Variants in ABCB7 observed in about 807,000 individuals in gnomAD.
ABCB7 encodes ATP binding cassette subfamily B member 7, also known as iron-sulfur clusters transporter ABCB7, mitochondrial.
ABCB7 carries 7 observed loss-of-function variants against 54.4 expected under a neutral mutation model. The observed-to-expected ratio is 0.13, with a 90% CI of 0.07 to 0.24. ABCB7 has a LOEUF of 0.24. ABCB7 is among the 10% of genes least tolerant of loss of function. The probability of loss-of-function intolerance (pLI) is 1.00; values close to 1 mark genes in which losing one functional copy is unlikely to be tolerated. For synonymous variants in ABCB7, 218 were observed against 207.1 expected, an observed-to-expected ratio of 1.05 and a Z score of -0.45; for missense variants, 356 against 570.4, an observed-to-expected ratio of 0.62 and a Z score of 3.83.
chrX:75,107,592 C>T (rs561034367), intron 3 of ABCB7, among the ~76,000 whole-genome samples: 59 of 111,895 alleles, frequency 5.3e-4, no homozygotes, highest in African/African-American at 1.8e-3. Context: ...TTTCCAGACA[C>T]GCCCTAGGCC....
rs773606603 is a variant in ABCB7 at position 75,055,503 on chromosome X, T to TTGAG, written c.2044-1922_2044-1919dup. Among the ~76,000 whole-genome samples, 112 of 98,167 alleles carry TTGAG rather than the reference T, an allele frequency of 1.1e-3. 1 individual carries two copies. Among genetic ancestry groups the TTGAG allele is most frequent in the Middle Eastern group, 5.3e-3 (1 of 190 alleles). The allele number at this position is 98,167 out of a possible 115,157, so 85.2% of individuals were successfully genotyped here. ...GAGAGGATTGCTTGAGCCCAGGAGT[T>TTGAG]TGAGACTAGCCTGGGCAACATGATG... On this transcript the variant is annotated intron_variant, in intron 15 of 15. Coordinates refer to ENST00000373394, the MANE Select transcript of ABCB7 (RefSeq NM_001271696.3).
Position 75,052,133 on chromosome X carries a change from GGTTT to G in ABCB7, c.*1233_*1236del, listed in dbSNP as rs966361992. 9.3e-6 allele frequency: 1 copy of G among 106,963 alleles called. No individual in the cohort carries two copies. The highest frequency in any genetic ancestry group is 3.8e-5 in the African/African-American group (1 of 26,114). 8.8% of individuals were successfully genotyped at this position (106,963 alleles called of 1,213,427 possible). ...TTCTACATAGCGACATGAGAATGAA[GGTTT>G]TTTTCCTTCAAAAAGTACATAGTTG... On this transcript the variant is annotated 3_prime_UTR_variant, in exon 16 of 16. Coordinates refer to ENST00000373394, the MANE Select transcript of ABCB7 (RefSeq NM_001271696.3).
At chrX:75,141,567 T>G (rs2082054122) in intron 1 of ABCB7, among the ~76,000 whole-genome samples, 1 of 111,686 alleles carries the variant, frequency 9.0e-6, no homozygotes, top group African/African-American at 3.3e-5. Flanking sequence ...CATAATTTAT[T>G]TAACCAATCC....
chrX:75,099,870 C>T (rs1480234157), intron 3 of ABCB7, among the ~76,000 whole-genome samples: 1 of 104,443 alleles, frequency 9.6e-6, no homozygotes, highest in African/African-American at 3.5e-5. Flanking sequence ...AAGAATAAAA[C>T]ATACCCAAAA....
At chrX:75,118,617 T>C (rs1405107564) in intron 1 of ABCB7, among the ~76,000 whole-genome samples, 1 of 111,678 alleles carries the variant, frequency 9.0e-6, no homozygotes, top group Admixed American at 9.5e-5. Context: ...TTCCATTATC[T>C]GATATTTTTT....
chrX:75,093,893 A>C (rs1368279393), intron 4 of ABCB7, among the ~76,000 whole-genome samples: 1 of 107,739 alleles, frequency 9.3e-6, no homozygotes, highest in Non-Finnish European at 1.9e-5. Flanking sequence ...AATGTTTTAA[A>C]GTTACAAATG....
At chrX:75,071,486 T>C in intron 9 of ABCB7, 23 bp downstream of exon 9, 1 of 1,207,743 alleles carries the variant, frequency 8.3e-7, no homozygotes. Context: ...AGCCTGTAAA[T>C]GTGATAGCCA....
At chrX:75,139,353 C>T (rs2082038272) in intron 1 of ABCB7, among the ~76,000 whole-genome samples, 1 of 112,072 alleles carries the variant, frequency 8.9e-6, no homozygotes, top group South Asian at 3.7e-4. Context: ...TTCAAACACA[C>T]TTTGCACATT....
At chrX:75,066,874 T>A (rs1024910820) in intron 12 of ABCB7, among the ~76,000 whole-genome samples, 1 of 111,485 alleles carries the variant, frequency 9.0e-6, no homozygotes, top group African/African-American at 3.3e-5. Flanking sequence ...AAAAACACAA[T>A]ATTTATGAAT....
At chrX:75,133,469 T>C in intron 1 of ABCB7, among the ~76,000 whole-genome samples, 1 of 111,810 alleles carries the variant, frequency 8.9e-6, no homozygotes. Flanking sequence ...CAGGAAATTC[T>C]GCGAGAATTC....
chrX:75,153,140 C>T (rs1401444157), intron 1 of ABCB7, among the ~76,000 whole-genome samples: 4 of 110,492 alleles, frequency 3.6e-5, no homozygotes, highest in African/African-American at 6.6e-5. Context: ...TGCACTGGCG[C>T]GATCTTAGCT....
chrX:75,125,981 A>T (rs1395229341), intron 1 of ABCB7, among the ~76,000 whole-genome samples: 1 of 111,280 alleles, frequency 9.0e-6, no homozygotes. Flanking sequence ...AACTACACTT[A>T]AAAAATTCCA....
chrX:75,102,821 T>C (rs2081651268), intron 3 of ABCB7, among the ~76,000 whole-genome samples: 1 of 111,690 alleles, frequency 9.0e-6, no homozygotes, highest in Non-Finnish European at 1.9e-5. Context: ...ATATCTGTTA[T>C]TTTTTGTCTT....
chrX:75,053,188 A>G lies in ABCB7; in HGVS notation c.*182T>C. On this transcript the variant is annotated 3_prime_UTR_variant, in exon 16 of 16. Transcript: ENST00000373394. ...AGTGACAAGAAAATAATTTGGGGAT[A>G]AATACAGATGCCACATTAAATAGAC... The G allele has an allele frequency of 4.8e-6, 3 of 622,889 alleles. No individual in the cohort carries two copies. The highest frequency in any genetic ancestry group is 7.2e-6 in the Non-Finnish European group (3 of 419,060). The allele number at this position is 622,889 out of a possible 1,213,427, so 51.3% of individuals were successfully genotyped here. A position where few individuals can be genotyped will look rare whatever the true frequency, so the allele number is the denominator to read the frequency against.
intron 1 of ABCB7, among the ~76,000 whole-genome samples, chrX:75,135,947 C>A (rs1036609914): frequency 9.2e-6 from 1 of 109,236 alleles, no homozygotes; most frequent in Non-Finnish European, 1.9e-5. Flanking sequence ...TCTCACCAGT[C>A]CTACTCAACA....
At chrX:75,132,189 C>T (rs944138013) in intron 1 of ABCB7, among the ~76,000 whole-genome samples, 2 of 112,219 alleles carry the variant, frequency 1.8e-5, no homozygotes, top group African/African-American at 6.5e-5. Context: ...ACAGTACTAC[C>T]GGCCTTGCTG....
chrX:75,112,999 C>A, intron 2 of ABCB7, 27 bp from the exon 3 acceptor site: 1 of 1,125,325 alleles, frequency 8.9e-7, no homozygotes. Flanking sequence ...CCAAGCAGTC[C>A]GTTAGCTATT....
chrX:75,077,924 T>A (rs1294954764), intron 4 of ABCB7, among the ~76,000 whole-genome samples: 1 of 107,489 alleles, frequency 9.3e-6, no homozygotes, highest in African/African-American at 3.4e-5. Context: ...TGCTTTTTTT[T>A]TTTTTTTGAG....
At chrX:75,117,736 A>G (rs1257650427) in intron 1 of ABCB7, among the ~76,000 whole-genome samples, 1 of 111,610 alleles carries the variant, frequency 9.0e-6, no homozygotes, top group East Asian at 2.8e-4. Context: ...TTCCTCCCCA[A>G]AAGGGGAAAC....
Sources: gnomAD v4.1 joint callset for allele counts (sites outside exome capture counted in the v4.1 genomes callset) on GRCh38, gnomAD v4.1.1 for gene constraint, MANE v1.5 for transcripts, NCBI Gene and HGNC (gene_info 2026-07-23, HGNC 2026-07-21) for gene names.